The following ATAD3A variants were observed in gnomAD, a reference collection of about 807,000 sequenced individuals.
ATAD3A encodes ATPase family AAA domain containing 3A.
In ATAD3A, 46 loss-of-function variants were observed where a neutral mutation model predicts 73.8. The observed-to-expected ratio is 0.62, with a 90% CI of 0.49 to 0.80. The LOEUF (loss-of-function observed/expected upper bound fraction) is 0.80. ATAD3A is among the 30% of genes least tolerant of loss of function. The probability of loss-of-function intolerance (pLI) is 0.00; values close to 1 mark genes in which losing one functional copy is unlikely to be tolerated. For synonymous variants in ATAD3A, 319 were observed against 350.0 expected, an observed-to-expected ratio of 0.91 and a Z score of 0.99; for missense variants, 705 against 838.0, an observed-to-expected ratio of 0.84 and a Z score of 1.96.
At chr1:1,517,045 C>G in intron 2 of ATAD3A, 2 of 1,461,206 alleles carry the variant, frequency 1.4e-6, no homozygotes, top group Non-Finnish European at 1.8e-6. Flanking sequence ...AGCATGAGCT[C>G]TGCCCTCAGT....
At chr1:1,529,492 A>G (rs1190216780) in intron 15 of ATAD3A, among the ~76,000 whole-genome samples, 161 bp downstream of exon 15, 1 of 152,006 alleles carries the variant, frequency 6.6e-6, no homozygotes, top group Admixed American at 6.5e-5. Context: ...CAGTCAGGCC[A>G]CTCCACGAGG....
Position 1,512,239 on chromosome 1 carries a change from G to T in ATAD3A, c.-30G>T, listed in dbSNP as rs1214591995. 5 of 1,276,506 alleles carry T rather than the reference G, an allele frequency of 3.9e-6. No homozygotes were observed. The highest frequency in any genetic ancestry group is 1.5e-5 in the African/African-American group (1 of 65,214). 79.1% of individuals were successfully genotyped at this position (1,276,506 alleles called of 1,614,324 possible). ...CGAGTCAGACTCGGGTGGGGGTCCC[G>T]GCGGCGGTAGCGGCGGCGGCGGTGC... On this transcript the variant is annotated 5_prime_UTR_variant, in exon 1 of 16. Coordinates refer to ENST00000378756, the MANE Select transcript of ATAD3A (RefSeq NM_001170535.3).
chr1:1,512,319 G>A lies in ATAD3A; in HGVS notation c.51G>A (p.Gly17=). 1 of 1,242,306 alleles carries A rather than the reference G, an allele frequency of 8.0e-7. No homozygotes were observed. The highest frequency in any genetic ancestry group is 1.0e-6 in the Non-Finnish European group (1 of 987,806). The allele number at this position is 1,242,306 out of a possible 1,614,324, so 77.0% of individuals were successfully genotyped here. The part of the protein sequence containing the change: ...INKGPKGEGA[G]PPPPLPPAQP... ...AGGGCCCCAAGGGTGAAGGCGCGGGGCCGCCGCCGCCTTTGCCGCCCGCGC... is the reference window on the plus strand; with the variant it reads ...AGGGCCCCAAGGGTGAAGGCGCGGGACCGCCGCCGCCTTTGCCGCCCGCGC... Residue 17 remains glycine (G), a synonymous_variant, in exon 1 of 16, where the codon GGG becomes GGA. Transcript: ENST00000378756.
intron 15 of ATAD3A, 90 bp from the exon 16 acceptor site, chr1:1,533,836 T>C (rs1642119559): frequency 6.7e-7 from 1 of 1,484,432 alleles, no homozygotes; most frequent in Admixed American, 2.2e-5. Context: ...GAGCCCCTGG[T>C]TTGGTCCCTC....
rs769281174 is a variant in ATAD3A at position 1,518,958 on chromosome 1, A to C, written c.482A>C (p.Glu161Ala). 5 of 1,614,032 alleles carry C rather than the reference A, an allele frequency of 3.1e-6. No individual in the cohort carries two copies. The Admixed American group carries it at 6.7e-5, about 22-fold the overall frequency. The change falls in exon 5 of 16, where the codon GAG becomes GCG. Residue 161 changes from glutamate (E) to alanine (A), a missense_variant. Physicochemically the swap from Glu to Ala is moderately radical, Grantham distance 107. Coordinates refer to ENST00000378756, the MANE Select transcript of ATAD3A (RefSeq NM_001170535.3). ...LNEENLRKQE[E>A]SVQKQEAMRR... ...GAGGAGAATTTACGGAAGCAGGAGGAGTCCGTGCAGAAGCAGGAAGCCATG... is the reference window on the plus strand; with the variant it reads ...GAGGAGAATTTACGGAAGCAGGAGGCGTCCGTGCAGAAGCAGGAAGCCATG...
At chr1:1,513,487 C>T (rs1641263046) in intron 1 of ATAD3A, among the ~76,000 whole-genome samples, 2 of 151,328 alleles carry the variant, frequency 1.3e-5, no homozygotes, top group Non-Finnish European at 3.0e-5. Context: ...CCGCAGTCCG[C>T]TCTGCCGGCG....
Position 1,529,596 on chromosome 1 carries a change from T to C in ATAD3A, c.1614+265T>C, listed in dbSNP as rs572425875. ...TCTGGAGGCCAGTCTGGCATCGCCGTAGCCCGAGCTTTGCCAGGTGGGGCT... is the reference window on the plus strand; with the variant it reads ...TCTGGAGGCCAGTCTGGCATCGCCGCAGCCCGAGCTTTGCCAGGTGGGGCT... On this transcript the variant is annotated intron_variant, in intron 15 of 15. Coordinates refer to ENST00000378756, the MANE Select transcript of ATAD3A (RefSeq NM_001170535.3). Among the ~76,000 whole-genome samples, 378 of 152,368 alleles carry C rather than the reference T, an allele frequency of 2.5e-3. 1 individual carries two copies. Among genetic ancestry groups the C allele is most frequent in the Non-Finnish European group, 3.7e-3 (255 of 68,032 alleles).
intron 12 of ATAD3A, 133 bp downstream of exon 12, chr1:1,525,424 T>G: frequency 7.8e-7 from 1 of 1,274,772 alleles, no homozygotes; most frequent in Non-Finnish European, 1.1e-6. Flanking sequence ...TTTTTTTTTT[T>G]TTTTTTTTGA....
Position 1,529,270 on chromosome 1 carries a change from T to C in ATAD3A, c.1553T>C (p.Val518Ala), listed in dbSNP as rs1302692059. 6.2e-7 allele frequency: 1 copy of C among 1,607,594 alleles called. No individual in the cohort carries two copies. The highest frequency in any genetic ancestry group is 1.1e-5 in the South Asian group (1 of 89,958). The change falls in exon 15 of 16, where the codon GTC (valine) becomes GCC (alanine). Residue 518 changes from valine (V) to alanine (A), a missense_variant. Physicochemically the swap from Val to Ala is moderately conservative, Grantham distance 64 (BLOSUM62 0). Around this residue, in one of 5 missense-constraint regions of ATAD3A, gnomAD observed 252 missense variants for 278.5 expected, o/e 0.90. Coordinates refer to ENST00000378756, the MANE Select transcript of ATAD3A (RefSeq NM_001170535.3). ...GACTACGGGAGGAAGTGCTCGGAGG[T>C]CGCTCGGCTGACGGAGGGCATGTCG... ...QFDYGRKCSE[V>A]ARLTEGMSGR...
chr1:1,528,326 G>T (rs901908131), intron 14 of ATAD3A, among the ~76,000 whole-genome samples: 5 of 151,646 alleles, frequency 3.3e-5, no homozygotes, highest in Admixed American at 2.0e-4. Context: ...GCCACCCCCA[G>T]GCCCTGGCTG....
In ATAD3A at chr1:1,532,853, G is replaced by A. The variant is rs548870738; in HGVS notation, c.1615-1073G>A. 4.6e-5 allele frequency among the ~76,000 whole-genome samples: 7 copies of A among 152,084 alleles called. No individual in the cohort carries two copies. In the East Asian group the frequency reaches 7.7e-4, roughly 17 times the overall value. On this transcript the variant is annotated intron_variant, in intron 15 of 15. Transcript: ENST00000378756. Reference sequence around the variant, plus strand: ...TCCCAGGCCCCTGACCCACAGTGGCGGTGCGGCTCTGGTCAGTGTCTCCTG... The same window carrying A: ...TCCCAGGCCCCTGACCCACAGTGGCAGTGCGGCTCTGGTCAGTGTCTCCTG...
intron 15 of ATAD3A, among the ~76,000 whole-genome samples, chr1:1,532,972 G>C (rs997698497): frequency 6.6e-6 from 1 of 152,158 alleles, no homozygotes; most frequent in Non-Finnish European, 1.5e-5. Context: ...GTCCGGCTCC[G>C]GTCAGTGTCT....
intron 4 of ATAD3A, 68 bp from the exon 5 acceptor site, chr1:1,518,853 T>C (rs1381551730): frequency 1.3e-6 from 2 of 1,591,566 alleles, no homozygotes; most frequent in Non-Finnish European, 1.7e-6. Context: ...GGCACAGTCA[T>C]CCCCCGCACA....
At chr1:1,524,979 TG>T (rs1055584683) in intron 11 of ATAD3A, among the ~76,000 whole-genome samples, 10 of 152,098 alleles carry the variant, frequency 6.6e-5, no homozygotes, top group African/African-American at 2.2e-4. Flanking sequence ...CTGGGCCGGG[TG>T]GGGGTGAAGC....
At chr1:1,525,113 T>G (rs1641755298) in intron 11 of ATAD3A, 127 bp from the exon 12 acceptor site, 3 of 1,303,868 alleles carry the variant, frequency 2.3e-6, no homozygotes, top group Admixed American at 3.4e-5. Context: ...GACTTAGGGC[T>G]GCTGATGGGG....
At chr1:1,528,849 A>C (rs1386394183) in intron 14 of ATAD3A, among the ~76,000 whole-genome samples, 1 of 150,994 alleles carries the variant, frequency 6.6e-6, no homozygotes, top group East Asian at 2.0e-4. Context: ...GGGCTCCCCC[A>C]CCCCCATGGC....
chr1:1,520,561 T>C lies in ATAD3A; in HGVS notation c.694T>C (p.Leu232=). 3 of 1,613,996 alleles carry C rather than the reference T, an allele frequency of 1.9e-6. No homozygotes were observed. The highest frequency in any genetic ancestry group is 2.5e-6 in the Non-Finnish European group (3 of 1,179,882). ...CTTTCCCCGCAGGACGGCTGGCACC[T>C]TGTTTGGGGAAGGATTCCGTGCCTT... ...VLESIRTAGT[L]FGEGFRAFVT... The change falls in exon 7 of 16, where the codon TTG becomes CTG. Residue 232 remains leucine (L), a synonymous_variant. Coordinates refer to ENST00000378756, the MANE Select transcript of ATAD3A (RefSeq NM_001170535.3). The surrounding 1 kb of genome is among the most constrained non-coding windows in gnomAD (Gnocchi z 4.0).
At chr1:1,529,392 T>G in intron 15 of ATAD3A, 61 bp downstream of exon 15, 1 of 1,513,156 alleles carries the variant, frequency 6.6e-7, no homozygotes, top group African/African-American at 1.4e-5. Context: ...AGATGCTCAG[T>G]TGCGCCAGGC....
At chr1:1,524,074 C>T in intron 10 of ATAD3A, 110 bp downstream of exon 10, 11 of 1,588,118 alleles carry the variant, frequency 6.9e-6, no homozygotes, top group Non-Finnish European at 9.4e-6. Context: ...TAGGCCTTTG[C>T]CCACCCTCGT....
Sources: gnomAD v4.1 joint callset for allele counts (sites outside exome capture counted in the v4.1 genomes callset) on GRCh38, gnomAD v4.1.1 for gene constraint, gnomAD v4.1.1 regional missense constraint, Gnocchi (gnomAD v3.1) non-coding constraint, MANE v1.5 for transcripts, NCBI Gene and HGNC (gene_info 2026-07-23, HGNC 2026-07-21) for gene names.